The following NF2 variants were observed in gnomAD, a reference collection of about 807,000 sequenced individuals.
The protein encoded by NF2 is NF2, moesin-ezrin-radixin like (MERLIN) tumor suppressor.
In NF2, 8 loss-of-function variants were observed where a neutral mutation model predicts 83.7. The observed-to-expected ratio is 0.10, with a 90% CI of 0.06 to 0.17. The LOEUF is 0.17. NF2 is among the 10% of genes least tolerant of loss of function. The pLI, the probability that NF2 is intolerant of heterozygous loss-of-function variation, is 1.00. For missense variants in NF2, 533 were observed against 744.4 expected, an observed-to-expected ratio of 0.72 and a Z score of 3.31; for synonymous variants, 266 against 269.6, an observed-to-expected ratio of 0.99 and a Z score of 0.13.
chr22:29,639,881 CAAAAA>C (rs763315832), intron 3 of NF2, among the ~76,000 whole-genome samples: 2 of 21,188 alleles, frequency 9.4e-5, no homozygotes, highest in African/African-American at 3.1e-4. Flanking sequence ...GGTTCCGTCT[CAAAAA>C]AAAAAAAAAA....
intron 5 of NF2, among the ~76,000 whole-genome samples, chr22:29,655,379 C>T (rs1178683769): frequency 2.0e-5 from 3 of 152,142 alleles, no homozygotes; most frequent in Non-Finnish European, 4.4e-5. Context: ...GAGGGTTGCA[C>T]CTAGGTCTGA....
At chr22:29,638,724 C>T (rs2065717907) in intron 2 of NF2, among the ~76,000 whole-genome samples, 1 of 152,134 alleles carries the variant, frequency 6.6e-6, no homozygotes, top group Non-Finnish European at 1.5e-5. Flanking sequence ...AAGGAAGATT[C>T]CACTACTTCA....
At chr22:29,643,902 G>A (rs1487983901) in intron 4 of NF2, among the ~76,000 whole-genome samples, 6 of 151,726 alleles carry the variant, frequency 4.0e-5, no homozygotes, top group South Asian at 2.1e-4. Context: ...CGGATGGGGC[G>A]GCTGGCCGGG....
At position 29,603,829 on chromosome 22, in the gene NF2, G is replaced by C. The variant is rs1252434288; in HGVS notation, c.-170G>C. The C allele has an allele frequency of 1.7e-6, 1 of 592,224 alleles. No homozygotes were observed. The highest frequency in any genetic ancestry group is 2.9e-5 in the East Asian group (1 of 34,558). The allele number at this position is 592,224 out of a possible 1,614,324, so 36.7% of individuals were successfully genotyped here. A position where few individuals can be genotyped will look rare whatever the true frequency, so the allele number is the denominator to read the frequency against. On this transcript the variant is annotated 5_prime_UTR_variant, in exon 1 of 16. Coordinates refer to ENST00000338641, the MANE Select transcript of NF2 (RefSeq NM_000268.4). Reference sequence around the variant, plus strand: ...CAACTCCCCTTTCCGCTCAGGCAGGGTCCTCGCGGCCCATGCTGGCCGCTG... The same window carrying C: ...CAACTCCCCTTTCCGCTCAGGCAGGCTCCTCGCGGCCCATGCTGGCCGCTG...
At chr22:29,686,631 T>G (rs2067276915) in intron 15 of NF2, among the ~76,000 whole-genome samples, 1 of 152,220 alleles carries the variant, frequency 6.6e-6, no homozygotes, top group Non-Finnish European at 1.5e-5. Context: ...AAGAGCAAGA[T>G]TCCATCTCAT....
intron 3 of NF2, among the ~76,000 whole-genome samples, chr22:29,639,775 G>A (rs758573575): frequency 2.4e-4 from 36 of 150,288 alleles, no homozygotes; most frequent in African/African-American, 3.4e-4. Context: ...CCAGCTACTC[G>A]GGAGGCTGAG....
chr22:29,622,767 T>C (rs1026170347), intron 1 of NF2, among the ~76,000 whole-genome samples: 3 of 150,634 alleles, frequency 2.0e-5, no homozygotes, highest in African/African-American at 7.3e-5. Context: ...GCAATTCTCT[T>C]GCCTCAGCCT....
intron 15 of NF2, 113 bp downstream of exon 15, chr22:29,681,714 T>A (rs767654712): frequency 7.4e-7 from 1 of 1,354,082 alleles, no homozygotes; most frequent in Non-Finnish European, 1.0e-6. Flanking sequence ...GCATCTTTTG[T>A]ATGTACTTAG....
intron 12 of NF2, among the ~76,000 whole-genome samples, 177 bp downstream of exon 12, chr22:29,673,663 G>A (rs1291617401): frequency 2.0e-5 from 3 of 152,160 alleles, no homozygotes; most frequent in East Asian, 1.9e-4. Context: ...TGGGGCTGGC[G>A]CTACTGGTTG....
chr22:29,651,607 T>C (rs1191901254), intron 4 of NF2, among the ~76,000 whole-genome samples: 1 of 152,174 alleles, frequency 6.6e-6, no homozygotes, highest in Non-Finnish European at 1.5e-5. Context: ...GATTTTTTTC[T>C]TCCCTTGTTG....
At chr22:29,641,017 C>T (rs751601784) in intron 3 of NF2, among the ~76,000 whole-genome samples, 19 of 152,166 alleles carry the variant, frequency 1.2e-4, no homozygotes, top group Non-Finnish European at 2.5e-4. Context: ...CCTGTAATCC[C>T]AGCTACTTGG....
intron 1 of NF2, among the ~76,000 whole-genome samples, chr22:29,619,398 GT>G (rs376267202): frequency 1.5e-3 from 229 of 149,460 alleles, no homozygotes; most frequent in African/African-American, 5.5e-3. Flanking sequence ...TTGTTTGTTT[GT>G]TTGTTTGTTT....
rs67597134 is a variant in NF2, at chr22:29,647,035, C to CAAA, written c.447+4765_447+4767dup. Reference sequence around the variant, plus strand: ...TGGGTGACAAAGTGAGACTCCATCTCAAAAAAAAAAAAAAAAATGTAGTCA... The same window carrying CAAA: ...TGGGTGACAAAGTGAGACTCCATCTCAAAAAAAAAAAAAAAAAAAATGTAGTCA... On this transcript the variant is annotated intron_variant, in intron 4 of 15. Coordinates refer to ENST00000338641, the MANE Select transcript of NF2 (RefSeq NM_000268.4). Among the ~76,000 whole-genome samples the CAAA allele has an allele frequency of 3.1e-3, 368 of 116,888 alleles. 5 individuals carry two copies. The highest frequency in any genetic ancestry group is 5.9e-3 in the East Asian group (23 of 3,900). The allele number at this position is 116,888 out of a possible 152,430, so 76.7% of individuals were successfully genotyped here.
intron 4 of NF2, among the ~76,000 whole-genome samples, chr22:29,650,959 T>G (rs1233849498): frequency 1.3e-5 from 2 of 152,240 alleles, no homozygotes; most frequent in Non-Finnish European, 2.9e-5. Flanking sequence ...GTTATCAACC[T>G]TTTGTCTATT....
Position 29,698,210 on chromosome 22 carries a change from G to A in NF2, c.*3408G>A. 4.3e-6 allele frequency: 1 copy of A among 232,056 alleles called. No homozygotes were observed. Among genetic ancestry groups the A allele is most frequent in the East Asian group, 6.0e-5 (1 of 16,586 alleles). The allele number at this position is 232,056 out of a possible 1,614,324, so 14.4% of individuals were successfully genotyped here. A position where few individuals can be genotyped will look rare whatever the true frequency, so the allele number is the denominator to read the frequency against. On this transcript the variant is annotated 3_prime_UTR_variant, in exon 16 of 16. Coordinates refer to ENST00000338641, the MANE Select transcript of NF2 (RefSeq NM_000268.4). Reference sequence around the variant, plus strand: ...CAGGCCCTGCTAGATAGCACCCCGTGGCATTACATAACACTTCATGAGTGG... The same window carrying A: ...CAGGCCCTGCTAGATAGCACCCCGTAGCATTACATAACACTTCATGAGTGG...
chr22:29,639,351 T>C (rs924332537), intron 3 of NF2, 139 bp downstream of exon 3: 6 of 1,099,382 alleles, frequency 5.5e-6, no homozygotes, highest in Middle Eastern at 2.9e-4. Flanking sequence ...TTTGGTTCTG[T>C]AATGGAAAAA....
rs528592631 is a variant in NF2 at position 29,622,931 on chromosome 22, G to A, written c.115-13820G>A. The stretch of plus-strand genomic sequence containing the variant: ...GGCCTCCCAAAGTGCTGGGATTACA[G>A]GCGTGAACCACCGTGCCCGGCCTTT... On this transcript the variant is annotated intron_variant, in intron 1 of 15. Transcript: ENST00000338641. Among the ~76,000 whole-genome samples the A allele has an allele frequency of 2.0e-5, 3 of 150,202 alleles. No individual in the cohort carries two copies. The South Asian group carries it at 6.3e-4, about 32-fold the overall frequency.
At chr22:29,674,735 C>A (rs1411185187) in intron 12 of NF2, 101 bp from the exon 13 acceptor site, 2 of 998,968 alleles carry the variant, frequency 2.0e-6, no homozygotes, top group Admixed American at 4.0e-5. Context: ...GGGTGCCATC[C>A]TCAGGGTTAG....
intron 4 of NF2, among the ~76,000 whole-genome samples, chr22:29,651,347 G>A (rs988006733): frequency 6.6e-6 from 1 of 152,150 alleles, no homozygotes; most frequent in Admixed American, 6.6e-5. Context: ...TTTATGTCAC[G>A]AGTAGGTCCA....
Sources: allele counts gnomAD v4.1 joint callset (sites outside exome capture counted in the v4.1 genomes callset), GRCh38; gene constraint gnomAD v4.1.1; transcripts MANE v1.5; gene names NCBI Gene and HGNC (gene_info 2026-07-23, HGNC 2026-07-21).